Variants in PEX5L observed in about 807,000 individuals in gnomAD.
PEX5L encodes the protein PEX5-related protein.
PEX5L carries 30 observed loss-of-function variants against 84.0 expected under a neutral mutation model. That is an observed-to-expected ratio of 0.36 (90% CI 0.27 to 0.48). PEX5L has a LOEUF of 0.48. Ranked by LOEUF, PEX5L falls within the 20% of genes least tolerant of loss-of-function variation. The pLI is 0.99. For synonymous variants in PEX5L, 270 were observed against 283.1 expected, an observed-to-expected ratio of 0.95 and a Z score of 0.46; for missense variants, 533 against 754.6, an observed-to-expected ratio of 0.71 and a Z score of 3.44.
intron 1 of PEX5L, among the ~76,000 whole-genome samples, chr3:180,008,912 C>T (rs1789173589): frequency 6.6e-6 from 1 of 152,190 alleles, no homozygotes. Flanking sequence ...TCATTCAGCT[C>T]AAACAGTTCA....
intron 2 of PEX5L, among the ~76,000 whole-genome samples, chr3:179,925,933 G>A (rs1314335167): frequency 4.0e-5 from 6 of 151,470 alleles, no homozygotes; most frequent in African/African-American, 1.5e-4. Context: ...TTCTCTCTGT[G>A]GTCTACTCTG....
chr3:180,013,612 G>T (rs1275930770), intron 1 of PEX5L, among the ~76,000 whole-genome samples: 1 of 152,052 alleles, frequency 6.6e-6, no homozygotes, highest in Non-Finnish European at 1.5e-5. Flanking sequence ...AGAATTGATG[G>T]CATTGCCAGA....
chr3:180,002,240 G>GA (rs1279768817), intron 1 of PEX5L, among the ~76,000 whole-genome samples: 19 of 152,060 alleles, frequency 1.2e-4, no homozygotes, highest in Admixed American at 1.2e-3. Flanking sequence ...TTAGTGCCAT[G>GA]TGATAGATTC....
At chr3:179,872,219 C>T (rs1295984404) in intron 7 of PEX5L, among the ~76,000 whole-genome samples, 1 of 152,102 alleles carries the variant, frequency 6.6e-6, no homozygotes, top group Non-Finnish European at 1.5e-5. Context: ...TCTTTTATTA[C>T]AGGTAGATTG....
chr3:179,854,394 A>G (rs1055594039), intron 8 of PEX5L, among the ~76,000 whole-genome samples: 10 of 152,068 alleles, frequency 6.6e-5, no homozygotes, highest in African/African-American at 2.2e-4. Context: ...TCCAGGTATT[A>G]ATATAAGTAA....
At chr3:179,948,784 G>A (rs760930782) in intron 2 of PEX5L, among the ~76,000 whole-genome samples, 2 of 152,086 alleles carry the variant, frequency 1.3e-5, no homozygotes, top group Non-Finnish European at 2.9e-5. Flanking sequence ...GGAAGCAGTC[G>A]ACTTGTTTAT....
chr3:179,888,191 T>C (rs1756501258), intron 3 of PEX5L: 3 of 1,288,296 alleles, frequency 2.3e-6, no homozygotes, highest in Admixed American at 4.6e-5. Context: ...TGGTTAGCAC[T>C]GCTCAGTCAG....
At chr3:179,869,586 C>T (rs547048063) in intron 7 of PEX5L, among the ~76,000 whole-genome samples, 30 of 152,312 alleles carry the variant, frequency 2.0e-4, no homozygotes, top group African/African-American at 6.5e-4. Flanking sequence ...GAGGCAGCCT[C>T]AGAACCAAGG....
At chr3:180,017,538 TTAA>T (rs1265896601) in intron 1 of PEX5L, among the ~76,000 whole-genome samples, 1 of 152,134 alleles carries the variant, frequency 6.6e-6, no homozygotes, top group Admixed American at 6.6e-5. Context: ...ATATGACCTA[TTAA>T]TTTACTCTCA....
chr3:179,940,521 C>T (rs971932026), intron 2 of PEX5L, among the ~76,000 whole-genome samples: 5 of 152,052 alleles, frequency 3.3e-5, no homozygotes, highest in African/African-American at 4.8e-5. Flanking sequence ...TAATGGTCTA[C>T]GGTTTCTTCA....
intron 2 of PEX5L, among the ~76,000 whole-genome samples, chr3:179,925,940 T>C (rs1296793381): frequency 6.6e-6 from 1 of 152,200 alleles, no homozygotes; most frequent in Non-Finnish European, 1.5e-5. Context: ...TGTGGTCTAC[T>C]CTGTGTGCTA....
At chr3:179,943,282 T>G (rs967500398) in intron 2 of PEX5L, among the ~76,000 whole-genome samples, 1 of 152,230 alleles carries the variant, frequency 6.6e-6, no homozygotes, top group Non-Finnish European at 1.5e-5. Flanking sequence ...ACCTTGGCAG[T>G]GGGGAAACAA....
intron 7 of PEX5L, among the ~76,000 whole-genome samples, chr3:179,863,669 A>G (rs1222741691): frequency 2.0e-5 from 3 of 152,160 alleles, no homozygotes; most frequent in Admixed American, 2.0e-4. Context: ...GTTATCGAAA[A>G]GATGAAAGAT....
intron 7 of PEX5L, among the ~76,000 whole-genome samples, chr3:179,870,590 G>C (rs1011443807): frequency 6.6e-6 from 1 of 152,108 alleles, no homozygotes; most frequent in Non-Finnish European, 1.5e-5. Context: ...GCTATTGTCT[G>C]TTCTTCAGGC....
intron 1 of PEX5L, among the ~76,000 whole-genome samples, chr3:179,979,245 AT>A (rs5854854): frequency 0.39 from 59,785 of 151,598 alleles, 12,409 homozygotes; most frequent in East Asian, 0.73. Flanking sequence ...CCAAATTCAA[AT>A]TTTAAAAAAA....
chr3:179,855,693 G>A (rs953913139), intron 8 of PEX5L, among the ~76,000 whole-genome samples: 1 of 152,140 alleles, frequency 6.6e-6, no homozygotes, highest in Non-Finnish European at 1.5e-5. Context: ...ATTAGGTCAC[G>A]AGGGCGGGGC....
chr3:179,822,259 T>C (rs1262955573), intron 8 of PEX5L, among the ~76,000 whole-genome samples: 1 of 152,250 alleles, frequency 6.6e-6, no homozygotes, highest in Non-Finnish European at 1.5e-5. Flanking sequence ...ATTTAAAGCA[T>C]ATTACAAGTC....
chr3:179,822,851 T>C (rs1177249582), intron 8 of PEX5L, among the ~76,000 whole-genome samples: 1 of 152,226 alleles, frequency 6.6e-6, no homozygotes. Context: ...CATAAAAACA[T>C]TGGGATATGC....
At chr3:179,855,998 CTG>C (rs954429182) in intron 8 of PEX5L, among the ~76,000 whole-genome samples, 8 of 152,220 alleles carry the variant, frequency 5.3e-5, no homozygotes, top group African/African-American at 1.9e-4. Flanking sequence ...AATACAAACT[CTG>C]GAGTCTGGGT....
Sources: allele counts gnomAD v4.1 joint callset (sites outside exome capture counted in the v4.1 genomes callset), GRCh38; gene constraint gnomAD v4.1.1; transcripts MANE v1.5; gene names NCBI Gene and HGNC (gene_info 2026-07-23, HGNC 2026-07-21).